Variants in UBE2T observed in about 807,000 individuals in gnomAD.
UBE2T encodes ubiquitin conjugating enzyme E2 T.
UBE2T carries 15 observed loss-of-function variants against 23.3 expected under a neutral mutation model. That is an observed-to-expected ratio of 0.64 (90% confidence interval 0.43 to 0.99). The LOEUF is 0.99. Among genes scored for constraint, UBE2T ranks in the 50% least tolerant of loss-of-function variants. UBE2T has a pLI of 0.00. For synonymous variants in UBE2T, 67 were observed against 78.4 expected (o/e 0.85, Z 0.77); for missense variants, 197 against 234.9 (o/e 0.84, Z 1.05).
chr1:202,338,985 A>G (rs1654942310), intron 1 of UBE2T, among the ~76,000 whole-genome samples: 7 of 152,040 alleles, frequency 4.6e-5, no homozygotes, highest in Admixed American at 3.3e-4. Flanking sequence ...GCTAATCAGT[A>G]AGACTGGCCT....
chr1:202,335,083 G>T lies in UBE2T; in HGVS notation c.110-25C>A, dbSNP rs752673547. The T allele has an allele frequency of 6.3e-7, 1 of 1,575,632 alleles. No individual in the cohort carries two copies. Among genetic ancestry groups the T allele is most frequent in the Admixed American group, 1.8e-5 (1 of 56,992 alleles). On this transcript the variant is annotated intron_variant, in intron 2 of 6. Transcript: ENST00000646651. The surrounding 1 kb of genome is among the most constrained non-coding windows in gnomAD (Gnocchi z 4.0). ...TCTTAAAAGAAAAAAGAAAGAAAAA[G>T]TTAAAAGGGAATCAGATCATTTGAA...
At chr1:202,333,582 T>C in intron 3 of UBE2T, 27 bp from the exon 4 acceptor site, 1 of 1,583,592 alleles carries the variant, frequency 6.3e-7, no homozygotes, top group Non-Finnish European at 8.6e-7. Flanking sequence ...CAACAGATAA[T>C]TTTCATTACA....
At chr1:202,341,551 C>T (rs941357361) in intron 1 of UBE2T, among the ~76,000 whole-genome samples, 4 of 115,430 alleles carry the variant, frequency 3.5e-5, no homozygotes, top group Non-Finnish European at 4.9e-5. Context: ...GCACTCCAGC[C>T]TGGGCGACAG....
chr1:202,331,938 T>C lies in UBE2T; in HGVS notation c.491A>G (p.Asp164Gly). Residue 164 changes from aspartate to glycine, a missense_variant, in exon 7 of 7, where the codon GAT becomes GGT. Physicochemically the swap from Asp to Gly is moderately conservative, Grantham distance 94 (BLOSUM62 -1). Coordinates refer to ENST00000646651, the MANE Select transcript of UBE2T (RefSeq NM_014176.4). ...GGAGTCACCAGCCTCTGGTAGATTATCAAGCATCTCTTCCTCATCAGCCTA... is the reference window on the plus strand; with the variant it reads ...GGAGTCACCAGCCTCTGGTAGATTACCAAGCATCTCTTCCTCATCAGCCTA... ...KQKADEEEMLDNLPEAGDSRV... is the reference protein window; with the variant it reads ...KQKADEEEMLGNLPEAGDSRV... The C allele has an allele frequency of 6.2e-7, 1 of 1,614,122 alleles. No homozygotes were observed. The highest frequency in any genetic ancestry group is 8.5e-7 in the Non-Finnish European group (1 of 1,180,006).
intron 1 of UBE2T, among the ~76,000 whole-genome samples, chr1:202,339,282 T>A (rs1654947156): frequency 6.6e-6 from 1 of 152,054 alleles, no homozygotes; most frequent in Non-Finnish European, 1.5e-5. Flanking sequence ...CAAATTTATC[T>A]ATTACATGCA....
intron 1 of UBE2T, among the ~76,000 whole-genome samples, chr1:202,338,348 T>A (rs1654930103): frequency 6.6e-6 from 1 of 152,104 alleles, no homozygotes; most frequent in South Asian, 2.1e-4. Context: ...GCCTCCTGAG[T>A]AGCTGGCGTT....
At position 202,335,655 on chromosome 1, in the gene UBE2T, G is replaced by A; in HGVS notation, c.100C>T (p.Leu34=). 3 of 1,613,984 alleles carry A rather than the reference G, an allele frequency of 1.9e-6. No homozygotes were observed. Among genetic ancestry groups the A allele is most frequent in the Non-Finnish European group, 2.5e-6 (3 of 1,179,998 alleles). The change falls in exon 2 of 7, where the codon CTG becomes TTG. Residue 34 remains leucine, a synonymous_variant. Transcript: ENST00000646651. The surrounding 1 kb of genome is among the most constrained non-coding windows in gnomAD (Gnocchi z 4.0). ...ATGATTTGATACCTACGAGCTCGCA[G>A]GTCATCCATTTGGTCTTTATCTTGC... ...CWQDKDQMDD[L]RAQILGGANT... is the part of the protein sequence containing the mutation.
chr1:202,333,980 C>G (rs958422544), intron 3 of UBE2T, among the ~76,000 whole-genome samples: 5 of 151,694 alleles, frequency 3.3e-5, no homozygotes, highest in African/African-American at 7.3e-5. Flanking sequence ...ACAATTCATA[C>G]GTTGCATTTG....
intron 1 of UBE2T, among the ~76,000 whole-genome samples, chr1:202,339,999 C>T (rs918160923): frequency 6.6e-6 from 1 of 151,914 alleles, no homozygotes. Context: ...CACTTGAGAT[C>T]GGGAGTTCCA....
intron 1 of UBE2T, among the ~76,000 whole-genome samples, chr1:202,339,077 C>CTTTTT (rs35528865): frequency 9.3e-6 from 1 of 107,852 alleles, no homozygotes; most frequent in Non-Finnish European, 1.8e-5. Context: ...GTATTGCCTC[C>CTTTTT]TTTTTTTTTT....
chr1:202,333,926 GTTT>G (rs879358529), intron 3 of UBE2T, among the ~76,000 whole-genome samples: 3 of 145,312 alleles, frequency 2.1e-5, no homozygotes, highest in African/African-American at 5.0e-5. Flanking sequence ...GTTCTCCCCA[GTTT>G]TTTTTTTTTA....
rs749992700 is a variant in UBE2T at position 202,331,977 on chromosome 1, G to T, written c.469-17C>A. 1 of 1,613,632 alleles carries T rather than the reference G, an allele frequency of 6.2e-7. No homozygotes were observed. The highest frequency in any genetic ancestry group is 8.5e-7 in the Non-Finnish European group (1 of 1,179,758). On this transcript the variant is annotated splice_polypyrimidine_tract_variant and intron_variant, in intron 6 of 6. Transcript: ENST00000646651. ...CTCATCAGCCTAAAGAGGAGACAGG[G>T]TGAAACACAGTAAGGTTCACACAAA...
Position 202,333,438 on chromosome 1 carries a change from C to T in UBE2T, c.285+12G>A, listed in dbSNP as rs767692004. On this transcript the variant is annotated intron_variant, in intron 4 of 6. Transcript: ENST00000646651. ...AGAATGCTGTAGAGTCAACCATTTA[C>T]CCACAACTCACTTTTGGTGGCAATT... is the stretch of plus-strand genomic sequence containing the variant. 8 of 1,613,794 alleles carry T rather than the reference C, an allele frequency of 5.0e-6. No homozygotes were observed. Among genetic ancestry groups the T allele is most frequent in the Non-Finnish European group, 6.8e-6 (8 of 1,179,744 alleles).
chr1:202,336,273 G>A (rs1225379903), intron 1 of UBE2T, among the ~76,000 whole-genome samples: 1 of 143,154 alleles, frequency 7.0e-6, no homozygotes, highest in Non-Finnish European at 1.5e-5. Flanking sequence ...CCAGGCTGGA[G>A]TGCAGTGGCA....
chr1:202,338,978 A>G (rs1654942112), intron 1 of UBE2T, among the ~76,000 whole-genome samples: 1 of 152,088 alleles, frequency 6.6e-6, no homozygotes, highest in South Asian at 2.1e-4. Context: ...ACACTATGCT[A>G]ATCAGTAAGA....
Position 202,333,177 on chromosome 1 carries a change from G to A in UBE2T, c.384+60C>T, listed in dbSNP as rs188744491. ...GCTGCTGCAGCTATCCTCACACAGGGAGAGTTAGCGGTATAGACAAGGTAG... is the reference window on the plus strand; with the variant it reads ...GCTGCTGCAGCTATCCTCACACAGGAAGAGTTAGCGGTATAGACAAGGTAG... On this transcript the variant is annotated intron_variant, in intron 5 of 6. Transcript: ENST00000646651. The A allele has an allele frequency of 2.5e-6, 4 of 1,605,330 alleles. No individual in the cohort carries two copies. The Admixed American group carries it at 5.0e-5, about 20-fold the overall frequency.
At position 202,336,764 on chromosome 1, in the gene UBE2T, C is replaced by T. The variant is rs1194418032; in HGVS notation, c.-64-946G>A. On this transcript the variant is annotated intron_variant, in intron 1 of 6. Coordinates refer to ENST00000646651, the MANE Select transcript of UBE2T (RefSeq NM_014176.4). ...AAATGTCCGAGTTTCTCTCCATGTG[C>T]TATGGATTCCACCTTCTCCCAATCT... is the stretch of plus-strand genomic sequence containing the variant. Among the ~76,000 whole-genome samples the T allele has an allele frequency of 2.0e-5, 3 of 152,174 alleles. No individual in the cohort carries two copies. The East Asian group carries it at 5.8e-4, about 29-fold the overall frequency.
rs373472481 is a variant in UBE2T, at chr1:202,333,252, C to T, written c.369G>A (p.Pro123=). 25 of 1,614,074 alleles carry T rather than the reference C, an allele frequency of 1.5e-5. No individual in the cohort carries two copies. The highest frequency in any genetic ancestry group is 1.9e-5 in the Non-Finnish European group (23 of 1,180,014). ...GGATATTTACTATGTCAGCCATGAG[C>T]GGGTCATCAGGGTTGGGTTCTGACA... is the stretch of plus-strand genomic sequence containing the variant. ...LLMSEPNPDD[P]LMADISSEFK... Residue 123 remains proline (P), a synonymous_variant, in exon 5 of 7, where the codon CCG becomes CCA. Coordinates refer to ENST00000646651, the MANE Select transcript of UBE2T (RefSeq NM_014176.4).
chr1:202,332,987 G>A, intron 6 of UBE2T, 23 bp downstream of exon 6: 1 of 1,412,174 alleles, frequency 7.1e-7, no homozygotes, highest in Non-Finnish European at 9.7e-7. Flanking sequence ...TTAATTAACT[G>A]ACAATAGTAG....
Sources: allele counts gnomAD v4.1 joint callset (sites outside exome capture counted in the v4.1 genomes callset), GRCh38; gene constraint gnomAD v4.1.1; non-coding constraint Gnocchi (gnomAD v3.1); transcripts MANE v1.5; gene names NCBI Gene and HGNC (gene_info 2026-07-23, HGNC 2026-07-21).